Variants in PTPRD observed in about 807,000 individuals in gnomAD.
The protein encoded by PTPRD is receptor-type tyrosine-protein phosphatase delta.
Under a neutral mutation model 214.5 loss-of-function variants are expected in PTPRD, and 34 were observed. The ratio of observed to expected loss-of-function variants is 0.16; its 90% CI spans 0.12 to 0.21. The LOEUF (loss-of-function observed/expected upper bound fraction) is 0.21, where lower values mean the gene tolerates loss of function less well. PTPRD is among the 10% of genes least tolerant of loss of function. The pLI is 1.00. For synonymous variants in PTPRD, 1,128 were observed against 845.7 expected, an observed-to-expected ratio of 1.33 and a Z score of -5.79; for missense variants, 2,545 against 2,398.7, an observed-to-expected ratio of 1.06 and a Z score of -1.27.
intron 5 of PTPRD, among the ~76,000 whole-genome samples, chr9:9,829,981 T>G (rs1485747926): frequency 1.3e-5 from 2 of 151,824 alleles, no homozygotes. Flanking sequence ...TTTGCATGCT[T>G]ATCTGTTAAA....
chr9:8,932,677 G>T (rs2098961161), intron 11 of PTPRD, among the ~76,000 whole-genome samples: 1 of 152,114 alleles, frequency 6.6e-6, no homozygotes, highest in Admixed American at 6.5e-5. Flanking sequence ...ACTGTGAGGG[G>T]AAAACCACCT....
At chr9:9,824,396 G>A (rs2051932085) in intron 5 of PTPRD, among the ~76,000 whole-genome samples, 1 of 151,862 alleles carries the variant, frequency 6.6e-6, no homozygotes, top group Non-Finnish European at 1.5e-5. Flanking sequence ...CTGTTTACTT[G>A]AGAACTAAAT....
chr9:9,146,831 A>G (rs1592399506), intron 10 of PTPRD, among the ~76,000 whole-genome samples: 1 of 152,178 alleles, frequency 6.6e-6, no homozygotes, highest in Non-Finnish European at 1.5e-5. Context: ...TAGGAAACAT[A>G]GTTTATAAAT....
intron 12 of PTPRD, among the ~76,000 whole-genome samples, chr9:8,651,224 T>C (rs1213662424): frequency 3.3e-5 from 5 of 152,184 alleles, no homozygotes; most frequent in South Asian, 2.1e-4. Flanking sequence ...CTAACCACGA[T>C]GGATCTCTGC....
At chr9:9,822,968 T>C (rs1166977977) in intron 5 of PTPRD, among the ~76,000 whole-genome samples, 1 of 152,096 alleles carries the variant, frequency 6.6e-6, no homozygotes, top group African/African-American at 2.4e-5. Context: ...ACCATTGCAT[T>C]CTTATCCAAA....
chr9:8,398,399 G>C (rs2091701534), intron 36 of PTPRD, among the ~76,000 whole-genome samples: 1 of 152,066 alleles, frequency 6.6e-6, no homozygotes, highest in African/African-American at 2.4e-5. Flanking sequence ...GCAGCATATA[G>C]GCCCTCCTAA....
At chr9:9,620,509 C>T (rs2095179327) in intron 7 of PTPRD, among the ~76,000 whole-genome samples, 1 of 152,042 alleles carries the variant, frequency 6.6e-6, no homozygotes, top group Non-Finnish European at 1.5e-5. Context: ...ATATTAAGCC[C>T]TTTCTTACAA....
chr9:10,147,259 T>TA (rs1202138472), intron 3 of PTPRD, among the ~76,000 whole-genome samples: 5 of 138,830 alleles, frequency 3.6e-5, no homozygotes, highest in African/African-American at 1.1e-4. Context: ...AAACAACATA[T>TA]AGTTCTTTTT....
chr9:10,240,368 G>T (rs1388599180), intron 3 of PTPRD, among the ~76,000 whole-genome samples: 2 of 151,794 alleles, frequency 1.3e-5, no homozygotes, highest in Non-Finnish European at 2.9e-5. Flanking sequence ...AGAGGAAAGG[G>T]AACTTCCCTT....
intron 7 of PTPRD, among the ~76,000 whole-genome samples, chr9:9,674,039 G>T (rs1434245941): frequency 6.6e-6 from 1 of 151,762 alleles, no homozygotes; most frequent in Non-Finnish European, 1.5e-5. Flanking sequence ...GCTACAGGAG[G>T]AAGAGAGAAA....
At chr9:9,527,302 G>C (rs1308550143) in intron 8 of PTPRD, among the ~76,000 whole-genome samples, 2 of 152,136 alleles carry the variant, frequency 1.3e-5, no homozygotes, top group Non-Finnish European at 2.9e-5. Flanking sequence ...CCTAAAGCAA[G>C]GTGTATTTTG....
intron 11 of PTPRD, among the ~76,000 whole-genome samples, chr9:9,006,645 G>A (rs1043558732): frequency 2.0e-5 from 3 of 151,970 alleles, no homozygotes; most frequent in Non-Finnish European, 4.4e-5. Context: ...GCATCTGCCT[G>A]CTGGTCTAAC....
chr9:8,990,955 C>A (rs1308056734), intron 11 of PTPRD, among the ~76,000 whole-genome samples: 1 of 152,126 alleles, frequency 6.6e-6, no homozygotes, highest in South Asian at 2.1e-4. Context: ...TGGCTCATGT[C>A]TGTAGTCCCA....
At chr9:10,298,947 T>G (rs1280477866) in intron 3 of PTPRD, among the ~76,000 whole-genome samples, 1 of 152,062 alleles carries the variant, frequency 6.6e-6, no homozygotes, top group Admixed American at 6.6e-5. Context: ...CTAGAAACTT[T>G]CTCAATGCTT....
At chr9:8,996,925 C>T (rs1420482369) in intron 11 of PTPRD, among the ~76,000 whole-genome samples, 2 of 151,936 alleles carry the variant, frequency 1.3e-5, no homozygotes, top group East Asian at 3.9e-4. Context: ...TTTTATGATT[C>T]TATGTGTTTG....
At chr9:9,258,319 T>C (rs1184617926) in intron 9 of PTPRD, among the ~76,000 whole-genome samples, 1 of 151,932 alleles carries the variant, frequency 6.6e-6, no homozygotes, top group Non-Finnish European at 1.5e-5. Flanking sequence ...TAGTAGATTA[T>C]GACATCATCT....
chr9:9,793,074 T>C (rs556030562), intron 5 of PTPRD, among the ~76,000 whole-genome samples: 57 of 152,124 alleles, frequency 3.7e-4, no homozygotes, highest in Non-Finnish European at 6.6e-4. Context: ...TGAATGGATA[T>C]GGATGTGAAT....
intron 2 of PTPRD, among the ~76,000 whole-genome samples, chr9:10,352,541 T>C (rs1427648522): frequency 6.6e-6 from 1 of 152,048 alleles, no homozygotes; most frequent in African/African-American, 2.4e-5. Flanking sequence ...TTGTCTTACA[T>C]GTAAGGTCAA....
intron 14 of PTPRD, among the ~76,000 whole-genome samples, chr9:8,617,022 C>T (rs1014293814): frequency 3.3e-5 from 5 of 152,024 alleles, no homozygotes; most frequent in Admixed American, 1.3e-4. Flanking sequence ...TGAGTACAAC[C>T]GTACTCTACT....
Sources: gnomAD v4.1 joint callset for allele counts (sites outside exome capture counted in the v4.1 genomes callset) on GRCh38, gnomAD v4.1.1 for gene constraint, MANE v1.5 for transcripts, NCBI Gene and HGNC (gene_info 2026-07-23, HGNC 2026-07-21) for gene names.